The following GRID1 variants were observed in gnomAD, a reference collection of about 807,000 sequenced individuals.
The protein encoded by GRID1 is glutamate receptor ionotropic, delta-1.
Under a neutral mutation model 98.0 loss-of-function variants are expected in GRID1, and 28 were observed. The observed-to-expected ratio is 0.29, with a 90% confidence interval of 0.21 to 0.39. The LOEUF (loss-of-function observed/expected upper bound fraction) is 0.39, where lower values mean the gene tolerates loss of function less well. Among genes scored for constraint, GRID1 ranks in the 10% least tolerant of loss-of-function variants. The pLI is 1.00. For synonymous variants in GRID1, 553 were observed against 538.5 expected (o/e 1.03, Z -0.37); for missense variants, 1,111 against 1,340.5 (o/e 0.83, Z 2.67).
intron 4 of GRID1, among the ~76,000 whole-genome samples, chr10:86,132,162 C>T (rs952608627): frequency 4.8e-4 from 73 of 152,142 alleles, no homozygotes; most frequent in African/African-American, 1.6e-3. Context: ...TGGCTGACAC[C>T]GGGACAGAGC....
intron 5 of GRID1, among the ~76,000 whole-genome samples, chr10:85,901,700 C>A (rs1052582069): frequency 6.6e-6 from 1 of 152,076 alleles, no homozygotes; most frequent in Admixed American, 6.5e-5. Flanking sequence ...AGTATTGCAG[C>A]CAGAATCATA....
At chr10:85,956,174 A>C (rs1842186474) in intron 4 of GRID1, among the ~76,000 whole-genome samples, 1 of 152,120 alleles carries the variant, frequency 6.6e-6, no homozygotes, top group East Asian at 1.9e-4. Flanking sequence ...TCTTATTTTA[A>C]TTTTAACCCA....
intron 2 of GRID1, among the ~76,000 whole-genome samples, chr10:86,305,822 C>T (rs898681632): frequency 8.2e-6 from 1 of 122,310 alleles, no homozygotes; most frequent in Non-Finnish European, 2.0e-5. Flanking sequence ...ACTTTCTATA[C>T]TTTGTCTACA....
rs1293223616 is a variant in GRID1, at chr10:86,366,333, G to T, written c.60C>A (p.Ala20=). 3.3e-6 allele frequency: 5 copies of T among 1,513,882 alleles called. No homozygotes were observed. In the African/African-American group the frequency reaches 4.3e-5, roughly 13 times the overall value. The allele number at this position is 1,513,882 out of a possible 1,614,324, so 93.8% of individuals were successfully genotyped here. A position where few individuals can be genotyped will look rare whatever the true frequency, so the allele number is the denominator to read the frequency against. Residue 20 remains alanine, a synonymous_variant, in exon 1 of 16, where the codon GCC becomes GCA. Transcript: ENST00000327946. The surrounding 1 kb of genome is among the most constrained non-coding windows in gnomAD (Gnocchi z 4.1). ...PWICQCVSVR[A]DSIIHIGAIF... ...GCTTACCGATGTGGATGATGGAGTC[G>T]GCCCGCACCGACACGCACTGGCATA...
chr10:86,354,568 T>A (rs997619180), intron 2 of GRID1, among the ~76,000 whole-genome samples: 4 of 152,192 alleles, frequency 2.6e-5, no homozygotes, highest in Non-Finnish European at 5.9e-5. Context: ...GCAGGCCCAT[T>A]TCACAGATGT....
chr10:85,908,787 C>T (rs961110541), intron 5 of GRID1, among the ~76,000 whole-genome samples: 4 of 151,986 alleles, frequency 2.6e-5, no homozygotes, highest in South Asian at 2.1e-4. Flanking sequence ...CAAATCGTAT[C>T]GTAAAGCTAA....
At chr10:86,293,350 A>T (rs564284576) in intron 2 of GRID1, among the ~76,000 whole-genome samples, 118 of 152,084 alleles carry the variant, frequency 7.8e-4, no homozygotes, top group Non-Finnish European at 1.4e-3. Flanking sequence ...ACTTGAGGAG[A>T]AGGGCCCCCA....
intron 8 of GRID1, among the ~76,000 whole-genome samples, chr10:85,761,444 T>C (rs532054344): frequency 2.8e-4 from 42 of 152,326 alleles, no homozygotes; most frequent in African/African-American, 6.5e-4. Context: ...AGGTGCTGCA[T>C]TGGGGACTAG....
At chr10:85,635,382 T>G (rs1843026714) in intron 13 of GRID1, among the ~76,000 whole-genome samples, 1 of 152,134 alleles carries the variant, frequency 6.6e-6, no homozygotes, top group Admixed American at 6.5e-5. Context: ...AGACTGACTC[T>G]GCCACCCAGG....
chr10:85,770,775 A>G lies in GRID1; in HGVS notation c.1234-41161T>C, dbSNP rs1449816671. On this transcript the variant is annotated intron_variant, in intron 8 of 15. Transcript: ENST00000327946. ...TGAAGTGAGAAGGGAAGTTTAGAGA[A>G]AAAAGAATAAAAAGAAACGAACAAA... Among the ~76,000 whole-genome samples the G allele has an allele frequency of 3.3e-5, 5 of 152,200 alleles. No individual in the cohort carries two copies. In the East Asian group the frequency reaches 9.6e-4, roughly 29 times the overall value.
At position 85,672,785 on chromosome 10, in the gene GRID1, C is replaced by T. The variant is rs924649202; in HGVS notation, c.1998-25388G>A. Among the ~76,000 whole-genome samples, 8 of 151,980 alleles carry T rather than the reference C, an allele frequency of 5.3e-5. No homozygotes were observed. In the East Asian group the frequency reaches 1.3e-3, roughly 26 times the overall value. On this transcript the variant is annotated intron_variant, in intron 12 of 15. Transcript: ENST00000327946. ...GGCTACCCAAGAACTCTGATGAAGACGTACAAGGGGATTAATGTTGTCTTC... is the reference window on the plus strand; with the variant it reads ...GGCTACCCAAGAACTCTGATGAAGATGTACAAGGGGATTAATGTTGTCTTC...
rs910095237 is a variant in GRID1, at chr10:85,600,879, G to A, written c.*1394C>T. Reference sequence around the variant, plus strand: ...ATCTCAGAGGTTATCAGATGCCTGAGTGGGGAGGGCCCCTGCTCTGGGTTG... The same window carrying A: ...ATCTCAGAGGTTATCAGATGCCTGAATGGGGAGGGCCCCTGCTCTGGGTTG... On this transcript the variant is annotated 3_prime_UTR_variant, in exon 16 of 16. Coordinates refer to ENST00000327946, the MANE Select transcript of GRID1 (RefSeq NM_017551.3). The A allele has an allele frequency of 2.0e-5, 3 of 152,438 alleles. No individual in the cohort carries two copies. The highest frequency in any genetic ancestry group is 7.2e-5 in the African/African-American group (3 of 41,460). 9.4% of individuals were successfully genotyped at this position (152,438 alleles called of 1,614,324 possible).
intron 5 of GRID1, among the ~76,000 whole-genome samples, chr10:85,884,640 A>G (rs540418288): frequency 2.6e-5 from 4 of 152,136 alleles, no homozygotes; most frequent in Non-Finnish European, 5.9e-5. Context: ...CCTCTCCTAC[A>G]ATCTAATAGG....
chr10:85,612,020 G>A (rs557746228), intron 15 of GRID1, among the ~76,000 whole-genome samples: 1 of 152,336 alleles, frequency 6.6e-6, no homozygotes, highest in South Asian at 2.1e-4. Context: ...GAGATACACA[G>A]AAGGCCAGAG....
intron 2 of GRID1, among the ~76,000 whole-genome samples, chr10:86,301,421 T>C (rs1356948403): frequency 1.3e-5 from 2 of 152,258 alleles, no homozygotes; most frequent in African/African-American, 4.8e-5. Flanking sequence ...TAAAAGAAGA[T>C]ATAAAATTAC....
intron 8 of GRID1, among the ~76,000 whole-genome samples, chr10:85,829,154 A>G (rs559567302): frequency 1.3e-5 from 2 of 152,318 alleles, no homozygotes; most frequent in Admixed American, 1.3e-4. Context: ...TTAGTTCAGC[A>G]TATACAAATT....
intron 8 of GRID1, among the ~76,000 whole-genome samples, chr10:85,743,435 G>C (rs10887524): frequency 0.2 from 31,087 of 152,030 alleles, 3,475 homozygotes; most frequent in Middle Eastern, 0.28. Context: ...ACAAAATTTG[G>C]GGTTGTCATG....
chr10:86,032,957 T>C (rs1251241462), intron 4 of GRID1, among the ~76,000 whole-genome samples: 1 of 151,068 alleles, frequency 6.6e-6, no homozygotes, highest in Middle Eastern at 3.4e-3. Context: ...GGATCCAATT[T>C]AAAAAATAAA....
At chr10:85,795,485 T>C (rs1261638556) in intron 8 of GRID1, among the ~76,000 whole-genome samples, 2 of 152,242 alleles carry the variant, frequency 1.3e-5, no homozygotes, top group Non-Finnish European at 2.9e-5. Flanking sequence ...GTAATGATTT[T>C]GTTTAATTCA....
Sources: allele counts gnomAD v4.1 joint callset (sites outside exome capture counted in the v4.1 genomes callset), GRCh38; gene constraint gnomAD v4.1.1; non-coding constraint Gnocchi (gnomAD v3.1); transcripts MANE v1.5; gene names NCBI Gene and HGNC (gene_info 2026-07-23, HGNC 2026-07-21).